The following OPCML variants were observed in gnomAD, a reference collection of about 807,000 sequenced individuals.
The protein encoded by OPCML is opioid binding protein/cell adhesion molecule like.
Under a neutral mutation model 37.8 loss-of-function variants are expected in OPCML, and 13 were observed. That is an observed-to-expected ratio of 0.34 (90% CI 0.22 to 0.55). OPCML has a LOEUF of 0.55. OPCML is among the 20% of genes least tolerant of loss of function. The pLI, the probability that OPCML is intolerant of heterozygous loss-of-function variation, is 0.91. For missense variants in OPCML, 341 were observed against 435.6 expected, an observed-to-expected ratio of 0.78 and a Z score of 1.93; for synonymous variants, 176 against 168.8, an observed-to-expected ratio of 1.04 and a Z score of -0.33.
chr11:133,274,249 C>T (rs1370897403), intron 1 of OPCML, among the ~76,000 whole-genome samples: 2 of 152,132 alleles, frequency 1.3e-5, no homozygotes, highest in African/African-American at 2.4e-5. Context: ...ATTACCTGGT[C>T]CCTCATACCA....
intron 1 of OPCML, among the ~76,000 whole-genome samples, chr11:133,501,904 A>T (rs543921270): frequency 1.3e-5 from 2 of 151,216 alleles, no homozygotes; most frequent in East Asian, 2.0e-4. Context: ...GCCCACCAAC[A>T]TGCCTCGAGG....
Position 133,351,363 on chromosome 11 carries a change from C to G in OPCML, c.61+180901G>C, listed in dbSNP as rs1217331409. On this transcript the variant is annotated intron_variant, in intron 1 of 7. Coordinates refer to ENST00000524381, the MANE Select transcript of OPCML (RefSeq NM_001012393.5). ...TTATCAAGGTCATCAATGACTCAATCTTACCAAATTGCCAAAAGTCATTTC... is the reference window on the plus strand; with the variant it reads ...TTATCAAGGTCATCAATGACTCAATGTTACCAAATTGCCAAAAGTCATTTC... 2.0e-5 allele frequency among the ~76,000 whole-genome samples: 3 copies of G among 152,178 alleles called. No individual in the cohort carries two copies. The East Asian group carries it at 5.8e-4, about 29-fold the overall frequency.
intron 2 of OPCML, among the ~76,000 whole-genome samples, chr11:132,728,068 G>A (rs904085392): frequency 1.3e-5 from 2 of 152,216 alleles, no homozygotes; most frequent in South Asian, 4.1e-4. Flanking sequence ...CAGCATGGAC[G>A]TTTGATTTAC....
intron 1 of OPCML, among the ~76,000 whole-genome samples, chr11:133,530,473 C>G (rs1222687303): frequency 6.6e-6 from 1 of 152,188 alleles, no homozygotes; most frequent in Non-Finnish European, 1.5e-5. Flanking sequence ...ATGAGGAGGC[C>G]CCCCGGAGCT....
chr11:133,515,536 T>C (rs150233069), intron 1 of OPCML, among the ~76,000 whole-genome samples: 1 of 152,042 alleles, frequency 6.6e-6, no homozygotes, highest in Non-Finnish European at 1.5e-5. Context: ...AAAAATCAAG[T>C]TCGAGAAGCT....
At chr11:132,664,768 A>C (rs934497935) in intron 2 of OPCML, among the ~76,000 whole-genome samples, 8 of 152,346 alleles carry the variant, frequency 5.3e-5, no homozygotes, top group East Asian at 3.9e-4. Context: ...ATCAACAGGG[A>C]CCCTAAATTA....
chr11:133,108,699 T>C (rs1464340534), intron 1 of OPCML, among the ~76,000 whole-genome samples: 1 of 152,166 alleles, frequency 6.6e-6, no homozygotes, highest in Non-Finnish European at 1.5e-5. Flanking sequence ...TGTCTGCAAG[T>C]ATACCACACT....
intron 1 of OPCML, among the ~76,000 whole-genome samples, chr11:133,135,767 T>C (rs1949680120): frequency 2.6e-5 from 4 of 152,192 alleles, no homozygotes; most frequent in African/African-American, 9.6e-5. Flanking sequence ...GCGTCCTTTT[T>C]CCACTCTGCT....
intron 1 of OPCML, among the ~76,000 whole-genome samples, chr11:133,460,004 T>A (rs1324023932): frequency 7.2e-5 from 11 of 152,018 alleles, no homozygotes; most frequent in Admixed American, 7.2e-4. Flanking sequence ...GTAAAAGAAT[T>A]GACATAATAC....
intron 1 of OPCML, among the ~76,000 whole-genome samples, chr11:133,415,831 G>A (rs7933873): frequency 0.079 from 12,007 of 152,126 alleles, 1,366 homozygotes; most frequent in African/African-American, 0.25. Context: ...TTACTGCCCC[G>A]TGATACGGAA....
intron 4 of OPCML, among the ~76,000 whole-genome samples, chr11:132,497,720 T>C (rs569733315): frequency 1.3e-5 from 2 of 152,222 alleles, no homozygotes; most frequent in South Asian, 2.1e-4. Flanking sequence ...GGAATAATGA[T>C]AGAACAAGAG....
At chr11:133,203,648 T>C (rs541454) in intron 1 of OPCML, among the ~76,000 whole-genome samples, 99,986 of 152,138 alleles carry the variant, frequency 0.66, 34,581 homozygotes, top group African/African-American at 0.85. Flanking sequence ...TGTGAATGAT[T>C]ATAAAATTTT....
At chr11:133,012,565 T>A (rs1947238918) in intron 1 of OPCML, among the ~76,000 whole-genome samples, 1 of 152,178 alleles carries the variant, frequency 6.6e-6, no homozygotes, top group Non-Finnish European at 1.5e-5. Context: ...TTGAGATATT[T>A]TCTAATGCTA....
rs556561804 is a variant in OPCML, at chr11:133,458,440, G to A, written c.61+73824C>T. Among the ~76,000 whole-genome samples, 2 of 102,632 alleles carry A rather than the reference G, an allele frequency of 1.9e-5. 1 individual carries two copies. 67.3% of individuals were successfully genotyped at this position (102,632 alleles called of 152,430 possible). A position where few individuals can be genotyped will look rare whatever the true frequency, so the allele number is the denominator to read the frequency against. On this transcript the variant is annotated intron_variant, in intron 1 of 7. Coordinates refer to ENST00000524381, the MANE Select transcript of OPCML (RefSeq NM_001012393.5). The stretch of plus-strand genomic sequence containing the variant: ...TGTATATATATACACATATATACAC[G>A]TGTGTGTATATATATACACATATAT...
chr11:133,021,073 A>C (rs953107810), intron 1 of OPCML, among the ~76,000 whole-genome samples: 3 of 152,130 alleles, frequency 2.0e-5, no homozygotes, highest in Non-Finnish European at 4.4e-5. Flanking sequence ...CCCACTCCTT[A>C]CTTCATTCCT....
chr11:132,469,769 TATGTGTGGAGGG>T (rs2096131141), intron 4 of OPCML, among the ~76,000 whole-genome samples: 1 of 48,812 alleles, frequency 2.0e-5, no homozygotes, highest in Non-Finnish European at 5.2e-5. Context: ...AGTGTGTGTG[TATGTGTGGAGGG>T]GTGTGTGTGT....
At chr11:132,765,606 T>G (rs1946413420) in intron 2 of OPCML, among the ~76,000 whole-genome samples, 1 of 152,226 alleles carries the variant, frequency 6.6e-6, no homozygotes, top group Non-Finnish European at 1.5e-5. Context: ...TGGAGTTGAT[T>G]ATCTTTCTAA....
At chr11:132,531,710 G>A (rs941558501) in intron 3 of OPCML, among the ~76,000 whole-genome samples, 1 of 150,798 alleles carries the variant, frequency 6.6e-6, no homozygotes, top group Non-Finnish European at 1.5e-5. Flanking sequence ...AAAAAATAGT[G>A]TACATTCTAG....
intron 1 of OPCML, among the ~76,000 whole-genome samples, chr11:133,053,915 T>C (rs973824069): frequency 3.3e-5 from 5 of 152,214 alleles, no homozygotes; most frequent in Admixed American, 3.3e-4. Flanking sequence ...ATATGCATAA[T>C]GAGCAAAACT....
Sources: allele counts gnomAD v4.1 joint callset (sites outside exome capture counted in the v4.1 genomes callset), GRCh38; gene constraint gnomAD v4.1.1; transcripts MANE v1.5; gene names NCBI Gene and HGNC (gene_info 2026-07-23, HGNC 2026-07-21).